IMMP2L: variants seen among roughly 807,000 people sequenced by gnomAD.
IMMP2L encodes inner mitochondrial membrane peptidase subunit 2, also known as mitochondrial inner membrane protease subunit 2.
IMMP2L carries 18 observed loss-of-function variants against 19.3 expected under a neutral mutation model. That is an observed-to-expected ratio of 0.93 (90% CI 0.64 to 1.38). IMMP2L has a LOEUF of 1.38. Ranked by LOEUF, IMMP2L falls within the 40% of genes most tolerant of loss-of-function variation. The pLI, the probability that IMMP2L is intolerant of heterozygous loss-of-function variation, is 0.00. For synonymous variants in IMMP2L, 76 were observed against 73.0 expected, an observed-to-expected ratio of 1.04 and a Z score of -0.21; for missense variants, 233 against 218.2, an observed-to-expected ratio of 1.07 and a Z score of -0.43.
At chr7:111,462,890 T>C (rs767211602) in intron 3 of IMMP2L, among the ~76,000 whole-genome samples, 6 of 152,110 alleles carry the variant, frequency 3.9e-5, no homozygotes, top group Non-Finnish European at 7.4e-5. Context: ...AAAAAGAAAC[T>C]GAAAACAAAT....
intron 4 of IMMP2L, among the ~76,000 whole-genome samples, chr7:110,901,687 A>G (rs1811879170): frequency 6.6e-6 from 1 of 152,232 alleles, no homozygotes. Flanking sequence ...GGATACAGAT[A>G]TTGCATATAA....
At chr7:111,125,221 A>C (rs1801167743) in intron 3 of IMMP2L, 1 of 235,330 alleles carries the variant, frequency 4.2e-6, no homozygotes, top group Non-Finnish European at 8.9e-6. Context: ...TAAGTAAATA[A>C]GAGTAGTTGA....
At chr7:111,410,769 A>G (rs1269300475) in intron 3 of IMMP2L, among the ~76,000 whole-genome samples, 5 of 151,838 alleles carry the variant, frequency 3.3e-5, no homozygotes, top group Non-Finnish European at 7.4e-5. Context: ...AATATTTTTG[A>G]TACGAAAATG....
chr7:111,486,127 A>G (rs555510834), intron 3 of IMMP2L, among the ~76,000 whole-genome samples: 3 of 152,322 alleles, frequency 2.0e-5, no homozygotes, highest in Non-Finnish European at 4.4e-5. Context: ...AAAAGCACTC[A>G]AAACCTGAGA....
chr7:111,385,092 T>C (rs1281677907), intron 3 of IMMP2L, among the ~76,000 whole-genome samples: 2 of 152,126 alleles, frequency 1.3e-5, no homozygotes, highest in South Asian at 2.1e-4. Flanking sequence ...CTCTTTCTTA[T>C]AGGGAAGACG....
chr7:111,161,271 G>T (rs1010291386), intron 3 of IMMP2L, among the ~76,000 whole-genome samples: 1 of 151,676 alleles, frequency 6.6e-6, no homozygotes, highest in Admixed American at 6.6e-5. Context: ...CGACAAAACA[G>T]AAAATGACAA....
At chr7:111,211,187 T>C (rs1250947939) in intron 3 of IMMP2L, among the ~76,000 whole-genome samples, 1 of 152,082 alleles carries the variant, frequency 6.6e-6, no homozygotes, top group Non-Finnish European at 1.5e-5. Flanking sequence ...AAACCACATA[T>C]GATTAGCCTG....
At chr7:111,540,659 C>CCT (rs1848430896) in intron 1 of IMMP2L, among the ~76,000 whole-genome samples, 1 of 152,168 alleles carries the variant, frequency 6.6e-6, no homozygotes. Context: ...AACTCCCCAA[C>CCT]TAAGTTGTAA....
intron 5 of IMMP2L, among the ~76,000 whole-genome samples, chr7:110,871,042 G>A (rs544950945): frequency 7.9e-5 from 12 of 152,144 alleles, no homozygotes; most frequent in Admixed American, 7.9e-4. Flanking sequence ...ACTCTAGGAC[G>A]TTGGTGGAAG....
chr7:110,814,807 A>G (rs1802343067), intron 5 of IMMP2L, among the ~76,000 whole-genome samples: 1 of 151,586 alleles, frequency 6.6e-6, no homozygotes, highest in Non-Finnish European at 1.5e-5. Context: ...TATTTTAAGT[A>G]TAAAATAAAC....
intron 1 of IMMP2L, among the ~76,000 whole-genome samples, 178 bp downstream of exon 1, chr7:111,561,673 A>T (rs530906631): frequency 1.3e-5 from 2 of 152,110 alleles, no homozygotes; most frequent in African/African-American, 4.8e-5. Flanking sequence ...GTGAGGCTGA[A>T]AACAGTCCGG....
At chr7:111,500,989 T>C (rs1344529123) in intron 2 of IMMP2L, among the ~76,000 whole-genome samples, 5 of 151,544 alleles carry the variant, frequency 3.3e-5, no homozygotes, top group African/African-American at 9.7e-5. Context: ...CTTTGACGAG[T>C]TGAGAGAAGA....
intron 1 of IMMP2L, among the ~76,000 whole-genome samples, chr7:111,533,650 G>A (rs1847609344): frequency 6.6e-6 from 1 of 152,060 alleles, no homozygotes; most frequent in Non-Finnish European, 1.5e-5. Context: ...CTACAATTTG[G>A]AAGGAGAATA....
chr7:110,706,901 G>C (rs1794727191), intron 5 of IMMP2L, among the ~76,000 whole-genome samples: 1 of 150,854 alleles, frequency 6.6e-6, no homozygotes, highest in African/African-American at 2.4e-5. Context: ...TTGAGGACTT[G>C]GTCATAAATT....
At chr7:111,003,589 G>A (rs765152985) in intron 3 of IMMP2L, among the ~76,000 whole-genome samples, 7 of 151,732 alleles carry the variant, frequency 4.6e-5, no homozygotes, top group Non-Finnish European at 7.4e-5. Context: ...ACAGCTTCCT[G>A]CAGCCTCGAT....
At position 110,849,179 on chromosome 7, in the gene IMMP2L, G is replaced by A. The variant is rs181251321; in HGVS notation, c.408+37414C>T. 3.5e-3 allele frequency among the ~76,000 whole-genome samples: 539 copies of A among 152,130 alleles called. 3 individuals are homozygous for A. Among genetic ancestry groups the A allele is most frequent in the Non-Finnish European group, 6.3e-3 (431 of 67,980 alleles). Reference sequence around the variant, plus strand: ...GGGGTATGTGTTTGTGAGGACAGAGGATATATGAGAACTCTGTACTTTCTG... The same window carrying A: ...GGGGTATGTGTTTGTGAGGACAGAGAATATATGAGAACTCTGTACTTTCTG... On this transcript the variant is annotated intron_variant, in intron 5 of 5. Transcript: ENST00000405709.
chr7:111,441,827 G>A (rs1321218203), intron 3 of IMMP2L, among the ~76,000 whole-genome samples: 1 of 151,630 alleles, frequency 6.6e-6, no homozygotes, highest in East Asian at 1.9e-4. Flanking sequence ...ATAAGACAGT[G>A]TAAAACTCAC....
intron 5 of IMMP2L, among the ~76,000 whole-genome samples, chr7:110,818,366 CTCA>C (rs1274310622): frequency 6.6e-6 from 1 of 152,138 alleles, no homozygotes; most frequent in Non-Finnish European, 1.5e-5. Context: ...TGAAAAAATG[CTCA>C]TCATCACTGG....
intron 4 of IMMP2L, among the ~76,000 whole-genome samples, chr7:110,945,872 A>T (rs568255516): frequency 3.7e-4 from 57 of 152,296 alleles, no homozygotes; most frequent in African/African-American, 1.3e-3. Context: ...CCCACCAAAC[A>T]TTCCAACCAA....
Sources: allele counts gnomAD v4.1 joint callset (sites outside exome capture counted in the v4.1 genomes callset), GRCh38; gene constraint gnomAD v4.1.1; transcripts MANE v1.5; gene names NCBI Gene and HGNC (gene_info 2026-07-23, HGNC 2026-07-21).